The following SIK3 variants were observed in gnomAD, a reference collection of about 807,000 sequenced individuals.
The protein encoded by SIK3 is SIK family kinase 3.
Under a neutral mutation model 144.2 loss-of-function variants are expected in SIK3, and 28 were observed. That is an observed-to-expected ratio of 0.19 (90% CI 0.14 to 0.27). The LOEUF (loss-of-function observed/expected upper bound fraction) is 0.27. Among genes scored for constraint, SIK3 ranks in the 10% least tolerant of loss-of-function variants. SIK3 has a pLI of 1.00. For missense variants in SIK3, 1,319 were observed against 1,776.0 expected (o/e 0.74, Z 4.62); for synonymous variants, 686 against 676.3 (o/e 1.01, Z -0.22).
intron 3 of SIK3, among the ~76,000 whole-genome samples, chr11:116,945,052 C>G (rs975245649): frequency 9.9e-5 from 15 of 152,064 alleles, no homozygotes. Flanking sequence ...CTCCGCCTCC[C>G]GGGTTCACAA....
At chr11:116,903,322 T>G (rs1945835002) in intron 4 of SIK3, among the ~76,000 whole-genome samples, 1 of 152,240 alleles carries the variant, frequency 6.6e-6, no homozygotes, top group African/African-American at 2.4e-5. Context: ...TTTTAGGTTC[T>G]GTTGATAGTT....
At chr11:117,016,102 G>C (rs569386549) in intron 1 of SIK3, 26 of 152,142 alleles carry the variant, frequency 1.7e-4, no homozygotes, top group African/African-American at 6.0e-4. Context: ...AAGGCAGATA[G>C]ATCACTTGAG....
intron 4 of SIK3, among the ~76,000 whole-genome samples, chr11:116,915,153 T>TGTGTGTGTGTGTGTGTGTGCGCGC (rs1182331838): frequency 2.0e-5 from 3 of 149,212 alleles, no homozygotes; most frequent in African/African-American, 7.4e-5. Context: ...TGTGTGTGTG[T>TGTGTGTGTGTGTGTGTGTGCGCGC]GTGTGTGTAT....
chr11:116,891,196 A>C (rs1945083663), intron 6 of SIK3, among the ~76,000 whole-genome samples: 1 of 152,206 alleles, frequency 6.6e-6, no homozygotes, highest in Non-Finnish European at 1.5e-5. Flanking sequence ...GCTTGCCTGT[A>C]GTCCCAGCTA....
intron 1 of SIK3, among the ~76,000 whole-genome samples, chr11:117,056,588 G>A (rs918839503): frequency 2.4e-5 from 3 of 122,960 alleles, no homozygotes; most frequent in Non-Finnish European, 4.9e-5. Flanking sequence ...TATAGATATA[G>A]ATATAGATAT....
chr11:117,076,883 T>C (rs184217586), intron 1 of SIK3, among the ~76,000 whole-genome samples: 1 of 152,244 alleles, frequency 6.6e-6, no homozygotes, highest in Non-Finnish European at 1.5e-5. Flanking sequence ...AGACCAGGTG[T>C]GGCTGCTCAT....
At chr11:116,965,641 C>T (rs912865311) in intron 1 of SIK3, among the ~76,000 whole-genome samples, 7 of 123,678 alleles carry the variant, frequency 5.7e-5, no homozygotes, top group African/African-American at 2.2e-4. Context: ...CACCTGTAAT[C>T]CTAGCACTTT....
At chr11:117,089,291 C>T (rs1955145647) in intron 1 of SIK3, among the ~76,000 whole-genome samples, 1 of 151,526 alleles carries the variant, frequency 6.6e-6, no homozygotes, top group South Asian at 2.1e-4. Context: ...CCTGTAGTCC[C>T]AACTACTCTG....
chr11:116,944,225 G>A (rs1265656904), intron 3 of SIK3, among the ~76,000 whole-genome samples: 2 of 152,140 alleles, frequency 1.3e-5, no homozygotes, highest in African/African-American at 4.8e-5. Flanking sequence ...CCTTCCCTTG[G>A]CTTCTGGGAA....
At chr11:116,859,689 C>T (rs1036337765) in intron 19 of SIK3, 85 bp from the exon 20 acceptor site, 10 of 1,155,710 alleles carry the variant, frequency 8.7e-6, no homozygotes, top group South Asian at 4.4e-5. Context: ...AATACTCAGA[C>T]GACATACCAG....
intron 1 of SIK3, among the ~76,000 whole-genome samples, chr11:117,047,405 T>C (rs1349583795): frequency 6.6e-6 from 1 of 152,136 alleles, no homozygotes; most frequent in Non-Finnish European, 1.5e-5. Flanking sequence ...CTGTCTTCTG[T>C]TAATCATAAG....
At chr11:116,875,107 GTGACAAT>G in intron 11 of SIK3, 44 bp downstream of exon 11, 1 of 1,425,826 alleles carries the variant, frequency 7.0e-7, no homozygotes, top group East Asian at 2.3e-5. Context: ...TGAAAGTCAG[GTGACAAT>G]TCTTTGCCCC....
At chr11:117,071,257 T>C (rs533958493) in intron 1 of SIK3, among the ~76,000 whole-genome samples, 37 of 151,822 alleles carry the variant, frequency 2.4e-4, no homozygotes, top group Non-Finnish European at 4.6e-4. Context: ...AAACAAGATA[T>C]TTAAACAATT....
At chr11:117,032,366 T>A (rs1952298099) in intron 1 of SIK3, among the ~76,000 whole-genome samples, 1 of 152,276 alleles carries the variant, frequency 6.6e-6, no homozygotes, top group South Asian at 2.1e-4. Flanking sequence ...AGTATACAAG[T>A]AAGTCCTATA....
At chr11:116,902,850 G>A (rs1945812754) in intron 4 of SIK3, among the ~76,000 whole-genome samples, 2 of 152,068 alleles carry the variant, frequency 1.3e-5, no homozygotes, top group African/African-American at 2.4e-5. Flanking sequence ...CTGAGCCTGC[G>A]GTATCCTAAT....
At chr11:117,024,871 T>C (rs1402552413) in intron 1 of SIK3, among the ~76,000 whole-genome samples, 2 of 151,824 alleles carry the variant, frequency 1.3e-5, no homozygotes, top group East Asian at 1.9e-4. Context: ...CACTGCACTC[T>C]AGCCTGAGTG....
intron 1 of SIK3, among the ~76,000 whole-genome samples, chr11:117,082,592 A>G (rs1461881660): frequency 6.6e-6 from 1 of 152,210 alleles, no homozygotes; most frequent in Non-Finnish European, 1.5e-5. Flanking sequence ...GATAAAAATT[A>G]ATTTGTGGTT....
intron 1 of SIK3, among the ~76,000 whole-genome samples, chr11:117,082,566 C>T (rs1954835035): frequency 6.6e-6 from 1 of 152,080 alleles, no homozygotes; most frequent in African/African-American, 2.4e-5. Context: ...TATGAAGTGT[C>T]CAGATGACGT....
At chr11:116,965,552 T>G (rs1376937477) in intron 1 of SIK3, among the ~76,000 whole-genome samples, 2 of 151,092 alleles carry the variant, frequency 1.3e-5, no homozygotes, top group East Asian at 3.9e-4. Flanking sequence ...ATGGCTTAAT[T>G]TTAAGGTTAA....
Sources: gnomAD v4.1 joint callset for allele counts (sites outside exome capture counted in the v4.1 genomes callset) on GRCh38, gnomAD v4.1.1 for gene constraint, MANE v1.5 for transcripts, NCBI Gene and HGNC (gene_info 2026-07-23, HGNC 2026-07-21) for gene names.